OPRM1: variants seen among roughly 807,000 people sequenced by gnomAD.
OPRM1 encodes opioid receptor mu 1, also known as mu-type opioid receptor.
A neutral mutation model predicts 31.8 loss-of-function variants in OPRM1; 27 were observed. The ratio of observed to expected loss-of-function variants is 0.85; its 90% CI spans 0.63 to 1.17. The LOEUF is 1.17. OPRM1 is among the 50% of genes most tolerant of loss of function. OPRM1 has a pLI of 0.00. For synonymous variants in OPRM1, 196 were observed against 189.9 expected (o/e 1.03, Z -0.26); for missense variants, 536 against 511.1 (o/e 1.05, Z -0.47).
At chr6:154,244,293 T>G (rs921374826) in intron 3 of OPRM1, among the ~76,000 whole-genome samples, 14 of 74,694 alleles carry the variant, frequency 1.9e-4, no homozygotes, top group African/African-American at 4.9e-4. Flanking sequence ...TCGGTGTGTG[T>G]GTGGGTGGGT....
intron 3 of OPRM1, among the ~76,000 whole-genome samples, chr6:154,209,894 A>T (rs1384375394): frequency 6.6e-6 from 1 of 152,202 alleles, no homozygotes; most frequent in Non-Finnish European, 1.5e-5. Context: ...GTTAGCATTA[A>T]TGGCCTGCCA....
chr6:154,182,279 T>C (rs181709942), intron 3 of OPRM1, among the ~76,000 whole-genome samples: 1 of 152,342 alleles, frequency 6.6e-6, no homozygotes, highest in African/African-American at 2.4e-5. Flanking sequence ...GTGTTTGATG[T>C]TTCTGTTAAG....
upstream of OPRM1, among the ~76,000 whole-genome samples, chr6:154,036,515 CA>C (rs1779306115): frequency 6.6e-6 from 1 of 151,800 alleles, no homozygotes; most frequent in Non-Finnish European, 1.5e-5. Flanking sequence ...AATAAAAAAA[CA>C]ACTGTTTCTA....
At position 154,201,621 on chromosome 6, in the gene OPRM1, G is replaced by A. The variant is rs188670826; in HGVS notation, c.1165-45072G>A. Among the ~76,000 whole-genome samples, 72 of 152,280 alleles carry A rather than the reference G, an allele frequency of 4.7e-4. No homozygotes were observed. In the Middle Eastern group the frequency reaches 0.01, roughly 22 times the overall value. ...TTCAAAACTCTAAGGAAGGCCAGGC[G>A]CGGTGGCTCATGCCTGTAATCCCAG... On this transcript the variant is annotated intron_variant, in intron 3 of 3. Transcript: ENST00000337049.
chr6:154,169,723 C>G (rs1392514830), intron 3 of OPRM1, among the ~76,000 whole-genome samples: 1 of 152,178 alleles, frequency 6.6e-6, no homozygotes, highest in Non-Finnish European at 1.5e-5. Context: ...TGAAGCCACT[C>G]CACCACAGGA....
chr6:154,217,742 GCTTATAC>G (rs1192060602), intron 3 of OPRM1, among the ~76,000 whole-genome samples: 1 of 151,994 alleles, frequency 6.6e-6, no homozygotes, highest in Non-Finnish European at 1.5e-5. Context: ...ACAATTTTTA[GCTTATAC>G]CTTAGTTCAT....
intron 3 of OPRM1, among the ~76,000 whole-genome samples, chr6:154,100,912 C>T (rs552825186): frequency 5.3e-4 from 78 of 147,744 alleles, no homozygotes; most frequent in Non-Finnish European, 8.5e-4. Flanking sequence ...ATCCAGGATT[C>T]GTAATATATA....
intron 1 of OPRM1, among the ~76,000 whole-genome samples, chr6:154,028,888 T>C (rs6910594): frequency 0.066 from 10,021 of 152,262 alleles, 479 homozygotes; most frequent in African/African-American, 0.13. Flanking sequence ...TTTCAGTGCC[T>C]CTTTCTCTTT....
chr6:154,097,967 C>T (rs767640588), intron 3 of OPRM1, among the ~76,000 whole-genome samples: 13 of 152,160 alleles, frequency 8.5e-5, no homozygotes, highest in South Asian at 6.2e-4. Context: ...CAGTGGCTCA[C>T]GCCTGTTATC....
chr6:154,044,030 CTATCTGATATT>C (rs1780608542), intron 1 of OPRM1, among the ~76,000 whole-genome samples: 1 of 151,872 alleles, frequency 6.6e-6, no homozygotes. Flanking sequence ...AAAGAATGAC[CTATCTGATATT>C]TTATGAAACA....
chr6:154,142,577 A>G (rs1338480498), intron 3 of OPRM1, among the ~76,000 whole-genome samples: 1 of 152,180 alleles, frequency 6.6e-6, no homozygotes, highest in Admixed American at 6.5e-5. Flanking sequence ...GTAGTCGACC[A>G]GAATATAAAA....
Position 154,121,418 on chromosome 6 carries a change from C to T in OPRM1, c.*2697C>T, listed in dbSNP as rs1797291675. Among the ~76,000 whole-genome samples the T allele has an allele frequency of 6.6e-6, 1 of 152,162 alleles. No homozygotes were observed. The highest frequency in any genetic ancestry group is 2.4e-5 in the African/African-American group (1 of 41,436). ...GTCTCTAGGACCCTGCTATCCTATC[C>T]CAACAGGGCTGTCAGACGGAGAACT... On this transcript the variant is annotated 3_prime_UTR_variant, in exon 4 of 4. Coordinates refer to ENST00000330432, the MANE Select transcript of OPRM1 (RefSeq NM_000914.5).
At chr6:154,135,512 GAT>G (rs1798039007), downstream of OPRM1, among the ~76,000 whole-genome samples, 1 of 151,974 alleles carries the variant, frequency 6.6e-6, no homozygotes, top group African/African-American at 2.4e-5. Context: ...TATAGATATA[GAT>G]ATAGATATAG....
At chr6:154,069,526 C>T (rs888569072) in intron 1 of OPRM1, among the ~76,000 whole-genome samples, 4 of 152,148 alleles carry the variant, frequency 2.6e-5, no homozygotes, top group Admixed American at 1.3e-4. Flanking sequence ...CATGAGCCAC[C>T]GCGCCGAGCC....
chr6:154,232,716 T>G (rs921018226), intron 3 of OPRM1, among the ~76,000 whole-genome samples: 4 of 152,174 alleles, frequency 2.6e-5, no homozygotes, highest in African/African-American at 9.7e-5. Flanking sequence ...AGCCACATAC[T>G]CTGACATCCG....
intron 1 of OPRM1, chr6:154,073,655 CAGA>C (rs1787258525): frequency 6.6e-6 from 1 of 152,268 alleles, no homozygotes; most frequent in African/African-American, 2.4e-5. Flanking sequence ...ACACAGCAAA[CAGA>C]AGAATTTACA....
At chr6:154,179,399 C>A (rs1346483492) in intron 3 of OPRM1, among the ~76,000 whole-genome samples, 1 of 152,028 alleles carries the variant, frequency 6.6e-6, no homozygotes. Flanking sequence ...TACATTATTT[C>A]TCTTATCTTA....
intron 3 of OPRM1, among the ~76,000 whole-genome samples, chr6:154,150,688 C>A (rs1798478059): frequency 1.3e-5 from 2 of 152,226 alleles, no homozygotes; most frequent in South Asian, 2.1e-4. Flanking sequence ...ACCCGCACAT[C>A]CCCATTCCAA....
At chr6:154,242,098 A>T (rs1355984094) in intron 3 of OPRM1, among the ~76,000 whole-genome samples, 1 of 152,234 alleles carries the variant, frequency 6.6e-6, no homozygotes, top group African/African-American at 2.4e-5. Flanking sequence ...ATGAGAATTC[A>T]ATATAATCGC....
Sources: gnomAD v4.1 joint callset for allele counts (sites outside exome capture counted in the v4.1 genomes callset) on GRCh38, gnomAD v4.1.1 for gene constraint, MANE v1.5 for transcripts, NCBI Gene and HGNC (gene_info 2026-07-23, HGNC 2026-07-21) for gene names.